The following CHD1L variants were observed in gnomAD, a reference collection of about 807,000 sequenced individuals.
CHD1L encodes the protein chromodomain helicase DNA binding protein 1 like, also known as ATP-dependent chromatin remodeler CHD1L.
In CHD1L, 118 loss-of-function variants were observed where a neutral mutation model predicts 115.9. The ratio of observed to expected loss-of-function variants is 1.02; its 90% CI spans 0.88 to 1.19. The LOEUF (loss-of-function observed/expected upper bound fraction) is 1.19, where lower values mean the gene tolerates loss of function less well. Ranked by LOEUF, CHD1L falls within the 50% of genes most tolerant of loss-of-function variation. CHD1L has a pLI of 0.00. For missense variants in CHD1L, 1,179 were observed against 1,065.3 expected (o/e 1.11, Z -1.49); for synonymous variants, 411 against 387.1 (o/e 1.06, Z -0.72).
upstream of CHD1L, among the ~76,000 whole-genome samples, chr1:147,240,761 G>C (rs587611937): frequency 5.9e-3 from 899 of 152,222 alleles, 4 homozygotes; most frequent in Non-Finnish European, 9.3e-3. Context: ...AAAAGCACAG[G>C]ACTTTTTTCT....
At chr1:147,283,786 A>T (rs1385104624) in intron 15 of CHD1L, among the ~76,000 whole-genome samples, 1 of 152,208 alleles carries the variant, frequency 6.6e-6, no homozygotes, top group East Asian at 1.9e-4. Flanking sequence ...TCCAGTGAGA[A>T]TTACAGAGTC....
chr1:147,247,209 A>G (rs1553934237), intron 1 of CHD1L, among the ~76,000 whole-genome samples: 1 of 152,080 alleles, frequency 6.6e-6, no homozygotes, highest in Non-Finnish European at 1.5e-5. Flanking sequence ...GTTCTTTTAA[A>G]TGTGTTGGGG....
chr1:147,184,367 C>A, the CHD1L span: 1 of 1,046,596 alleles, frequency 9.6e-7, no homozygotes, highest in Non-Finnish European at 1.3e-6. The surrounding 1 kb of genome is among the most constrained non-coding windows in gnomAD (Gnocchi z 4.4). Flanking sequence ...TTTGTCACAA[C>A]TAATAAACCA....
Position 147,286,450 on chromosome 1 carries a change from T to G in CHD1L, c.2171T>G (p.Val724Gly). 1 of 1,614,120 alleles carries G rather than the reference T, an allele frequency of 6.2e-7. No homozygotes were observed. The highest frequency in any genetic ancestry group is 8.5e-7 in the Non-Finnish European group (1 of 1,180,034). Residue 724 changes from valine (V) to glycine (G), a missense_variant, in exon 18 of 23, where the codon GTC becomes GGC. Transcript: ENST00000369258. ...ATSLKYVSGDVTHPQAGAEDA... is the reference protein window; with the variant it reads ...ATSLKYVSGDGTHPQAGAEDA... Reference sequence around the variant, plus strand: ...TCCCTCAAGTACGTTAGTGGTGATGTCACCCACCCTCAGGCTGGGGCCGAG... The same window carrying G: ...TCCCTCAAGTACGTTAGTGGTGATGGCACCCACCCTCAGGCTGGGGCCGAG...
the CHD1L span, chr1:147,187,059 C>G: frequency 2.5e-6 from 4 of 1,613,992 alleles, no homozygotes; most frequent in Non-Finnish European, 3.4e-6. Flanking sequence ...GAGCCCCATC[C>G]CACTTTCCAG....
chr1:147,254,597 C>T (rs1312900487), intron 2 of CHD1L, among the ~76,000 whole-genome samples: 1 of 152,182 alleles, frequency 6.6e-6, no homozygotes, highest in African/African-American at 2.4e-5. Context: ...TTTTTCTTTA[C>T]AGTAGAGGTT....
chr1:147,255,535 A>G (rs1308338400), intron 3 of CHD1L, among the ~76,000 whole-genome samples: 3 of 152,032 alleles, frequency 2.0e-5, no homozygotes, highest in East Asian at 1.9e-4. Context: ...CCTATTTTTC[A>G]TAGTGACGTA....
At chr1:147,259,959 C>A in intron 6 of CHD1L, 41 bp downstream of exon 6, 1 of 1,392,968 alleles carries the variant, frequency 7.2e-7, no homozygotes. Context: ...ATAACCCCTT[C>A]TTTTTAAATA....
At chr1:147,265,268 C>G (rs1673450872) in intron 7 of CHD1L, among the ~76,000 whole-genome samples, 1 of 152,152 alleles carries the variant, frequency 6.6e-6, no homozygotes, top group Non-Finnish European at 1.5e-5. Flanking sequence ...TCTGATTACT[C>G]CCATGTTTTG....
intron 2 of CHD1L, 35 bp downstream of exon 2, chr1:147,252,770 A>T: frequency 6.9e-7 from 1 of 1,456,926 alleles, no homozygotes; most frequent in Non-Finnish European, 9.6e-7. Flanking sequence ...GCTCACCGCC[A>T]CTGCGATACT....
At chr1:147,261,373 G>C (rs1204656425) in intron 6 of CHD1L, among the ~76,000 whole-genome samples, 1 of 150,344 alleles carries the variant, frequency 6.7e-6, no homozygotes, top group African/African-American at 2.5e-5. Context: ...GGGAGCAGAA[G>C]AGCAAGCTAT....
the CHD1L span, chr1:147,173,625 A>T: frequency 2.0e-5 from 3 of 152,212 alleles, no homozygotes; most frequent in Non-Finnish European, 4.4e-5. Context: ...AAATTAGTGG[A>T]ATCCCTAAGG....
chr1:147,290,158 C>T (rs1291376364), intron 19 of CHD1L, among the ~76,000 whole-genome samples: 1 of 152,160 alleles, frequency 6.6e-6, no homozygotes, highest in African/African-American at 2.4e-5. Flanking sequence ...TCTTGGCTCA[C>T]TGCAATATCC....
Position 147,291,567 on chromosome 1 carries a change from T to C in CHD1L, c.2391+15T>C. On this transcript the variant is annotated intron_variant, in intron 20 of 22. Coordinates refer to ENST00000369258, the MANE Select transcript of CHD1L (RefSeq NM_004284.6). ...GGCAAGATTTGGTAAGTAAAACCCA[T>C]CTCTTCTCAGAACTACAAGTGGACT... The C allele has an allele frequency of 6.2e-7, 1 of 1,605,878 alleles. No homozygotes were observed. The highest frequency in any genetic ancestry group is 8.5e-7 in the Non-Finnish European group (1 of 1,172,542).
chr1:147,255,983 A>G (rs2102412810), intron 4 of CHD1L, 56 bp downstream of exon 4: 2 of 1,196,946 alleles, frequency 1.7e-6, no homozygotes, highest in Non-Finnish European at 2.4e-6. Flanking sequence ...TAGAAGTTGT[A>G]GAGTCTGCTG....
chr1:147,241,636 T>C (rs1258198398), upstream of CHD1L, among the ~76,000 whole-genome samples: 1 of 152,182 alleles, frequency 6.6e-6, no homozygotes. Flanking sequence ...CAAAAATAGC[T>C]TCATAAAACA....
intron 13 of CHD1L, 83 bp from the exon 14 acceptor site, chr1:147,276,021 C>T (rs2102746699): frequency 7.2e-7 from 1 of 1,387,320 alleles, no homozygotes; most frequent in Non-Finnish European, 1.0e-6. Flanking sequence ...GTTTTGTTTG[C>T]TTTTAGATGT....
intron 9 of CHD1L, among the ~76,000 whole-genome samples, chr1:147,268,452 C>G (rs782530385): frequency 1.3e-5 from 2 of 152,154 alleles, no homozygotes; most frequent in Non-Finnish European, 2.9e-5. Context: ...GTGTTGGGAA[C>G]ACATAGGTTT....
Position 147,243,260 on chromosome 1 carries a change from T to G in CHD1L, c.127+430T>G, listed in dbSNP as rs1665413923. On this transcript the variant is annotated intron_variant, in intron 1 of 22. Transcript: ENST00000369258. ...AAAACGATCAACTCATCTCCCAGCT[T>G]CAGCTTCTCCGTTTACTGTGCGCGC... is the stretch of plus-strand genomic sequence containing the variant. Among the ~76,000 whole-genome samples, 2 of 152,166 alleles carry G rather than the reference T, an allele frequency of 1.3e-5. 1 individual carries two copies. The highest frequency in any genetic ancestry group is 6.3e-3 in the Middle Eastern group (2 of 316).
Sources: allele counts gnomAD v4.1 joint callset (sites outside exome capture counted in the v4.1 genomes callset), GRCh38; gene constraint gnomAD v4.1.1; non-coding constraint Gnocchi (gnomAD v3.1); transcripts MANE v1.5; gene names NCBI Gene and HGNC (gene_info 2026-07-23, HGNC 2026-07-21).